IGSF11: variants seen among roughly 807,000 people sequenced by gnomAD.
IGSF11 encodes the protein immunoglobulin superfamily member 11.
Under a neutral mutation model 41.0 loss-of-function variants are expected in IGSF11, and 22 were observed. The ratio of observed to expected loss-of-function variants is 0.54; its 90% CI spans 0.38 to 0.77. The LOEUF (loss-of-function observed/expected upper bound fraction) is 0.77, where lower values mean the gene tolerates loss of function less well. Among genes scored for constraint, IGSF11 ranks in the 30% least tolerant of loss-of-function variants. IGSF11 has a pLI of 0.00. For synonymous variants in IGSF11, 219 were observed against 201.3 expected, an observed-to-expected ratio of 1.09 and a Z score of -0.74; for missense variants, 444 against 530.8, an observed-to-expected ratio of 0.84 and a Z score of 1.61.
At chr3:118,944,614 A>T (rs1943978108) in intron 1 of IGSF11, among the ~76,000 whole-genome samples, 1 of 152,012 alleles carries the variant, frequency 6.6e-6, no homozygotes, top group Non-Finnish European at 1.5e-5. Flanking sequence ...TACTTCCTTG[A>T]TATAGTCACG....
intron 1 of IGSF11, among the ~76,000 whole-genome samples, chr3:118,950,663 A>G (rs1237305484): frequency 6.6e-6 from 1 of 152,042 alleles, no homozygotes; most frequent in Non-Finnish European, 1.5e-5. Context: ...ATAATAATGT[A>G]TAAATGATTC....
rs557672774 is a variant in IGSF11 at position 119,021,434 on chromosome 3, C to G, written c.52+13097G>C. On this transcript the variant is annotated intron_variant, in intron 1 of 6. Coordinates refer to ENST00000393775, the MANE Select transcript of IGSF11 (RefSeq NM_001015887.3). Reference sequence around the variant, plus strand: ...TTATATAGCATTCATATATAGAATTCTGTTTGGGACCATATGTGTCTTTTG... The same window carrying G: ...TTATATAGCATTCATATATAGAATTGTGTTTGGGACCATATGTGTCTTTTG... Among the ~76,000 whole-genome samples the G allele has an allele frequency of 2.6e-5, 4 of 152,120 alleles. No homozygotes were observed. The East Asian group carries it at 5.8e-4, about 22-fold the overall frequency.
chr3:118,979,592 C>T (rs1331467171), intron 1 of IGSF11, among the ~76,000 whole-genome samples: 4 of 152,144 alleles, frequency 2.6e-5, no homozygotes, highest in South Asian at 2.1e-4. Context: ...AGAAAATTTA[C>T]GGAAAACTCT....
chr3:118,950,027 T>G (rs1944454906), intron 1 of IGSF11, among the ~76,000 whole-genome samples: 1 of 152,124 alleles, frequency 6.6e-6, no homozygotes, highest in Admixed American at 6.5e-5. Flanking sequence ...ATGCAAACCC[T>G]CAATAAAGAG....
intron 1 of IGSF11, among the ~76,000 whole-genome samples, chr3:118,955,460 T>G (rs946885180): frequency 6.6e-6 from 1 of 152,078 alleles, no homozygotes; most frequent in African/African-American, 2.4e-5. Flanking sequence ...GGTATTAAAG[T>G]CTTTGAACAA....
rs187132395 is a variant in IGSF11, at chr3:119,094,797, G to A, written c.49+10347C>T. On this transcript the variant is annotated intron_variant, in intron 1 of 6. Transcript: ENST00000354673. The stretch of plus-strand genomic sequence containing the variant: ...AGCCATTCTCCTGCCTCAGCCTGCC[G>A]AGTAGCTGGGATTACAGGCTCCTGC... 6.6e-5 allele frequency among the ~76,000 whole-genome samples: 10 copies of A among 151,530 alleles called. 1 individual carries two copies. In the South Asian group the frequency reaches 8.4e-4, roughly 13 times the overall value.
intron 1 of IGSF11, among the ~76,000 whole-genome samples, chr3:119,005,317 T>C (rs1937384501): frequency 6.7e-6 from 1 of 149,190 alleles, no homozygotes; most frequent in South Asian, 2.2e-4. Context: ...ATTTGCTTGG[T>C]AGATCTTCCT....
chr3:119,056,147 CA>C (rs571764252), intron 1 of IGSF11, among the ~76,000 whole-genome samples: 8 of 151,098 alleles, frequency 5.3e-5, no homozygotes, highest in South Asian at 4.2e-4. Flanking sequence ...GAAATAGAGA[CA>C]AAAAAAACCC....
chr3:119,012,131 A>G (rs1381041998), intron 1 of IGSF11, among the ~76,000 whole-genome samples: 1 of 152,212 alleles, frequency 6.6e-6, no homozygotes, highest in Non-Finnish European at 1.5e-5. Context: ...AGCATAAGAT[A>G]GAAAAGAAAA....
chr3:119,010,072 T>C (rs1436135251), intron 1 of IGSF11, among the ~76,000 whole-genome samples: 1 of 151,414 alleles, frequency 6.6e-6, no homozygotes, highest in African/African-American at 2.4e-5. Context: ...ATGAAAAAAG[T>C]AGAGAAAGTC....
chr3:118,972,746 T>C (rs1933588577), intron 1 of IGSF11, among the ~76,000 whole-genome samples: 1 of 152,222 alleles, frequency 6.6e-6, no homozygotes, highest in Non-Finnish European at 1.5e-5. Flanking sequence ...TTTTCAGATA[T>C]GTAGCCCAGG....
chr3:119,118,371 G>A (rs763079131), intron 1 of IGSF11, among the ~76,000 whole-genome samples: 8 of 152,194 alleles, frequency 5.3e-5, no homozygotes, highest in Non-Finnish European at 1.0e-4. Context: ...CATGGAAGTT[G>A]CCAAGGCTTG....
At chr3:119,049,132 T>A (rs1319293286) in intron 1 of IGSF11, among the ~76,000 whole-genome samples, 3 of 151,808 alleles carry the variant, frequency 2.0e-5, no homozygotes, top group African/African-American at 4.8e-5. Context: ...AACATAGTGT[T>A]GGAAGTTCTG....
chr3:119,000,111 G>GTAAATA (rs1324005309), intron 1 of IGSF11, among the ~76,000 whole-genome samples: 2 of 64,586 alleles, frequency 3.1e-5, no homozygotes, highest in East Asian at 9.2e-4. Context: ...CCCATTTATT[G>GTAAATA]TAAATATGAA....
chr3:119,018,969 T>C (rs574286533), intron 1 of IGSF11, among the ~76,000 whole-genome samples: 2 of 152,362 alleles, frequency 1.3e-5, no homozygotes, highest in South Asian at 4.1e-4. Flanking sequence ...ACATTCAGTT[T>C]ACTGTGAGCA....
At chr3:118,951,131 G>A (rs554423134) in intron 1 of IGSF11, among the ~76,000 whole-genome samples, 1 of 152,300 alleles carries the variant, frequency 6.6e-6, no homozygotes, top group Admixed American at 6.5e-5. Flanking sequence ...CATCTGAATT[G>A]TACCTAATGT....
chr3:119,068,257 T>G (rs920491387), intron 1 of IGSF11, among the ~76,000 whole-genome samples: 1 of 152,238 alleles, frequency 6.6e-6, no homozygotes, highest in Non-Finnish European at 1.5e-5. Context: ...TCCATTTGTT[T>G]ACATCATTGA....
At chr3:119,074,333 TA>T (rs559534906) in intron 1 of IGSF11, among the ~76,000 whole-genome samples, 1 of 151,494 alleles carries the variant, frequency 6.6e-6, no homozygotes, top group Non-Finnish European at 1.5e-5. Flanking sequence ...CACAGTGCAA[TA>T]AAAAAAGAAA....
intron 1 of IGSF11, among the ~76,000 whole-genome samples, chr3:119,017,039 C>CCA (rs1553713302): frequency 0.11 from 9,988 of 88,296 alleles, 416 homozygotes; most frequent in Middle Eastern, 0.19. Flanking sequence ...GGACGCAGGA[C>CCA]AAAAAAAAAA....
Sources: allele counts gnomAD v4.1 joint callset (sites outside exome capture counted in the v4.1 genomes callset), GRCh38; gene constraint gnomAD v4.1.1; transcripts MANE v1.5; gene names NCBI Gene and HGNC (gene_info 2026-07-23, HGNC 2026-07-21).